The following USH2A variants were observed in gnomAD, a reference collection of about 807,000 sequenced individuals.
USH2A encodes usherin.
A neutral mutation model predicts 538.9 loss-of-function variants in USH2A; 443 were observed. The ratio of observed to expected loss-of-function variants is 0.82; its 90% confidence interval spans 0.76 to 0.89. USH2A has a LOEUF of 0.89. Ranked by LOEUF, USH2A falls within the 40% of genes least tolerant of loss-of-function variation. The pLI, the probability that USH2A is intolerant of heterozygous loss-of-function variation, is 0.00. For synonymous variants in USH2A, 2,413 were observed against 2,273.5 expected (o/e 1.06, Z -1.75); for missense variants, 6,633 against 6,324.8 (o/e 1.05, Z -1.65).
At chr1:215,800,776 C>G (rs1662303504) in intron 49 of USH2A, among the ~76,000 whole-genome samples, 2 of 152,066 alleles carry the variant, frequency 1.3e-5, no homozygotes, top group South Asian at 2.1e-4. Flanking sequence ...ATCCATCTCA[C>G]TAGATGAAAT....
At chr1:216,073,440 A>AT in intron 27 of USH2A, 140 bp from the exon 28 acceptor site, 1 of 857,538 alleles carries the variant, frequency 1.2e-6, no homozygotes, top group Admixed American at 2.2e-5. Context: ...TTCCTTGGAA[A>AT]ACCTTTTATG....
chr1:216,075,490 G>C (rs186285599), intron 27 of USH2A, among the ~76,000 whole-genome samples: 1 of 152,144 alleles, frequency 6.6e-6, no homozygotes, highest in Admixed American at 6.6e-5. Flanking sequence ...CCACCCCTGG[G>C]CCTCTAAATG....
intron 35 of USH2A, among the ~76,000 whole-genome samples, chr1:215,991,406 T>C (rs1668001287): frequency 6.6e-6 from 1 of 152,028 alleles, no homozygotes; most frequent in Admixed American, 6.6e-5. Flanking sequence ...TATCCCTCTC[T>C]AGACAATCAA....
chr1:216,334,445 C>A (rs1310855707), intron 4 of USH2A, among the ~76,000 whole-genome samples: 1 of 151,666 alleles, frequency 6.6e-6, no homozygotes, highest in African/African-American at 2.4e-5. Flanking sequence ...TTTAAAAAAC[C>A]AACAGCAAAG....
At chr1:216,072,286 C>T (rs1013643762) in intron 29 of USH2A, among the ~76,000 whole-genome samples, 2 of 152,184 alleles carry the variant, frequency 1.3e-5, no homozygotes, top group African/African-American at 4.8e-5. Context: ...AAGTACAAAA[C>T]AAGTCAGTTG....
chr1:216,000,524 C>T lies in USH2A; in HGVS notation c.6364G>A (p.Ala2122Thr). Residue 2122 changes from alanine to threonine, a missense_variant, in exon 33 of 72, where the codon GCA (alanine) becomes ACA (threonine). Ala to Thr is a moderately conservative substitution (Grantham distance 58, BLOSUM62 0). Coordinates refer to ENST00000307340, the MANE Select transcript of USH2A (RefSeq NM_206933.4). The part of the protein sequence containing the change: ...VFTPHQFLLS[A>T]CTHVGCTNSS... ...TTTGTACAGCCCACATGTGTGCATG[C>T]ACTTAGTAGAAACTGGTGGGGTGTA... 6.2e-7 allele frequency: 1 copy of T among 1,613,630 alleles called. No homozygotes were observed.
intron 24 of USH2A, 119 bp downstream of exon 24, chr1:216,086,600 A>G: frequency 2.3e-6 from 2 of 886,936 alleles, no homozygotes; most frequent in Non-Finnish European, 3.5e-6. Flanking sequence ...TTTTTGGCAC[A>G]TTAATATAGA....
At chr1:216,401,775 A>G (rs539840610) in intron 3 of USH2A, among the ~76,000 whole-genome samples, 5 of 152,236 alleles carry the variant, frequency 3.3e-5, no homozygotes, top group African/African-American at 4.8e-5. Context: ...GTATGCACCT[A>G]ACAACAGAAC....
chr1:216,114,077 C>A (rs1205693335), intron 21 of USH2A, among the ~76,000 whole-genome samples: 1 of 151,678 alleles, frequency 6.6e-6, no homozygotes, highest in African/African-American at 2.4e-5. Flanking sequence ...ATAAGTTCTT[C>A]TTTTCTCTTT....
Position 215,650,795 on chromosome 1 carries a change from C to G in USH2A, c.14140G>C (p.Ala4714Pro). The G allele has an allele frequency of 6.2e-7, 1 of 1,612,894 alleles. No homozygotes were observed. The highest frequency in any genetic ancestry group is 8.5e-7 in the Non-Finnish European group (1 of 1,179,848). ...GGGGCTTTTCCTGCAGAATTCACTG[C>G]CCAGACCTCCAAAGAGAAATCAACA... The part of the protein sequence containing the change: ...PFTEYEYQVW[A>P]VNSAGKAPSS... The change falls in exon 65 of 72, where the codon GCA (alanine) becomes CCA (proline). Residue 4714 changes from alanine to proline, a missense_variant. Physicochemically the swap from Ala to Pro is conservative, Grantham distance 27. Coordinates refer to ENST00000307340, the MANE Select transcript of USH2A (RefSeq NM_206933.4).
At chr1:216,417,203 C>T (rs1276394566) in intron 3 of USH2A, among the ~76,000 whole-genome samples, 4 of 150,796 alleles carry the variant, frequency 2.7e-5, no homozygotes, top group Middle Eastern at 3.2e-3. Context: ...TATCTGAAAG[C>T]CAAAACAATG....
chr1:216,313,254 G>A (rs948076323), intron 9 of USH2A, among the ~76,000 whole-genome samples: 1 of 152,144 alleles, frequency 6.6e-6, no homozygotes, highest in Non-Finnish European at 1.5e-5. Flanking sequence ...AGCTGCTCAC[G>A]TCCTACTATG....
intron 21 of USH2A, among the ~76,000 whole-genome samples, chr1:216,164,585 G>A (rs1239764223): frequency 2.0e-5 from 3 of 152,120 alleles, no homozygotes; most frequent in African/African-American, 7.2e-5. Flanking sequence ...AAAGTTGGCT[G>A]TTTAAATAGA....
chr1:215,928,789 C>T (rs941370919), intron 38 of USH2A, among the ~76,000 whole-genome samples: 4 of 152,042 alleles, frequency 2.6e-5, no homozygotes, highest in African/African-American at 9.7e-5. Flanking sequence ...TTTTAAGTTG[C>T]TGACTTTTGG....
intron 56 of USH2A, among the ~76,000 whole-genome samples, chr1:215,761,649 A>T (rs752211345): frequency 6.6e-6 from 1 of 152,234 alleles, no homozygotes; most frequent in Non-Finnish European, 1.5e-5. Context: ...TGCAAAGATG[A>T]CTAAGATGTG....
intron 13 of USH2A, among the ~76,000 whole-genome samples, chr1:216,244,623 T>C (rs748363970): frequency 2.0e-5 from 3 of 152,176 alleles, no homozygotes; most frequent in Non-Finnish European, 4.4e-5. Flanking sequence ...TGAGACAGTC[T>C]TATGCATGGT....
intron 38 of USH2A, among the ~76,000 whole-genome samples, chr1:215,917,029 A>G (rs147036337): frequency 3.9e-5 from 6 of 152,302 alleles, no homozygotes; most frequent in Non-Finnish European, 8.8e-5. Flanking sequence ...AGAGAAAAAT[A>G]GCGATTTTGA....
chr1:215,630,545 G>A (rs1656245806), intron 70 of USH2A, among the ~76,000 whole-genome samples: 1 of 136,366 alleles, frequency 7.3e-6, no homozygotes, highest in African/African-American at 2.8e-5. Context: ...AGAAAGTTGG[G>A]TTTTGCAACT....
At chr1:216,019,080 A>G (rs2102499540) in intron 32 of USH2A, among the ~76,000 whole-genome samples, 1 of 152,322 alleles carries the variant, frequency 6.6e-6, no homozygotes, top group South Asian at 2.1e-4. Flanking sequence ...GACAATTTAA[A>G]TCTTTATGCA....
Sources: gnomAD v4.1 joint callset for allele counts (sites outside exome capture counted in the v4.1 genomes callset) on GRCh38, gnomAD v4.1.1 for gene constraint, MANE v1.5 for transcripts, NCBI Gene and HGNC (gene_info 2026-07-23, HGNC 2026-07-21) for gene names.